ZNF148: variants seen among roughly 807,000 people sequenced by gnomAD.
ZNF148 encodes zinc finger protein 148, also known as Beta-Enolase Repressor Factor-1.
Under a neutral mutation model 67.7 loss-of-function variants are expected in ZNF148, and 7 were observed. That is an observed-to-expected ratio of 0.10 (90% CI 0.06 to 0.19). ZNF148 has a LOEUF of 0.19. Ranked by LOEUF, ZNF148 falls within the 10% of genes least tolerant of loss-of-function variation. The pLI is 1.00. For missense variants in ZNF148, 583 were observed against 947.1 expected (o/e 0.62, Z 5.05); for synonymous variants, 333 against 330.7 (o/e 1.01, Z -0.08).
chr3:125,249,775 CGT>C (rs1354512360), intron 7 of ZNF148, among the ~76,000 whole-genome samples: 1 of 152,060 alleles, frequency 6.6e-6, no homozygotes, highest in African/African-American at 2.4e-5. Context: ...ACAACCCAAG[CGT>C]CTGTCAATGG....
intron 4 of ZNF148, among the ~76,000 whole-genome samples, chr3:125,310,229 G>A (rs1940126435): frequency 6.6e-6 from 1 of 151,912 alleles, no homozygotes; most frequent in Non-Finnish European, 1.5e-5. Context: ...ACAGGTGCAT[G>A]CCACCATGCC....
At chr3:125,353,793 G>A (rs1329726278) in intron 1 of ZNF148, among the ~76,000 whole-genome samples, 1 of 152,022 alleles carries the variant, frequency 6.6e-6, no homozygotes. Context: ...AACATGTGAG[G>A]CCAGGTTCAG....
In ZNF148 at chr3:125,300,443, C is replaced by T. The variant is rs535085226; in HGVS notation, c.334-12215G>A. Among the ~76,000 whole-genome samples, 34 of 152,210 alleles carry T rather than the reference C, an allele frequency of 2.2e-4. 2 individuals carry two copies. In the South Asian group the frequency reaches 3.3e-3, roughly 15 times the overall value. On this transcript the variant is annotated intron_variant, in intron 4 of 8. Transcript: ENST00000360647. ...GTAATTAAGAATTGGGTATAACTAA[C>T]GATAGGATTCAAGGAAATTTAAAAA...
At chr3:125,296,191 G>A (rs1005520314) in intron 4 of ZNF148, among the ~76,000 whole-genome samples, 5 of 149,634 alleles carry the variant, frequency 3.3e-5, no homozygotes, top group Admixed American at 6.7e-5. Flanking sequence ...GTGCAATCTC[G>A]CCTCACTGCA....
At chr3:125,245,609 T>C (rs973703249) in intron 7 of ZNF148, among the ~76,000 whole-genome samples, 3 of 152,170 alleles carry the variant, frequency 2.0e-5, no homozygotes, top group African/African-American at 7.2e-5. Context: ...CTGTACAGCT[T>C]TTTTCTTCTT....
chr3:125,299,480 C>T (rs976089902), intron 4 of ZNF148, among the ~76,000 whole-genome samples: 2 of 152,034 alleles, frequency 1.3e-5, no homozygotes, highest in African/African-American at 4.8e-5. Context: ...GCCTGGGCAA[C>T]CTAGCAAGTT....
chr3:125,260,550 C>G (rs1937289999), intron 7 of ZNF148, among the ~76,000 whole-genome samples: 1 of 152,094 alleles, frequency 6.6e-6, no homozygotes, highest in African/African-American at 2.4e-5. Context: ...ATATGATGTT[C>G]TGGAAGAGGC....
chr3:125,291,068 T>G (rs562435289), intron 4 of ZNF148, among the ~76,000 whole-genome samples: 1 of 152,230 alleles, frequency 6.6e-6, no homozygotes, highest in South Asian at 2.1e-4. Context: ...GAATAAATGT[T>G]TCACTACAGT....
chr3:125,363,282 C>T (rs2107785895), intron 1 of ZNF148, among the ~76,000 whole-genome samples: 1 of 152,318 alleles, frequency 6.6e-6, no homozygotes, highest in East Asian at 1.9e-4. Context: ...AATTTCATAA[C>T]CGTCAGTGCC....
chr3:125,325,979 A>C (rs1940999819), intron 2 of ZNF148, among the ~76,000 whole-genome samples: 1 of 152,252 alleles, frequency 6.6e-6, no homozygotes, highest in African/African-American at 2.4e-5. Context: ...AGTTAGAAAC[A>C]ATAGAGGCAA....
chr3:125,348,061 C>G (rs996093683), intron 1 of ZNF148, among the ~76,000 whole-genome samples: 9 of 151,740 alleles, frequency 5.9e-5, no homozygotes, highest in Admixed American at 5.9e-4. Flanking sequence ...TTGAGACCAG[C>G]CTGGGCAACA....
intron 4 of ZNF148, among the ~76,000 whole-genome samples, chr3:125,303,683 T>G (rs534366588): frequency 6.6e-6 from 1 of 152,090 alleles, no homozygotes; most frequent in Non-Finnish European, 1.5e-5. Context: ...CTCTACATTA[T>G]GGTGAGTTGT....
intron 1 of ZNF148, among the ~76,000 whole-genome samples, chr3:125,374,511 A>G (rs1017881682): frequency 2.0e-5 from 3 of 152,012 alleles, no homozygotes; most frequent in Middle Eastern, 3.4e-3. Flanking sequence ...AACACCCCCC[A>G]GAATCCTCAA....
intron 2 of ZNF148, among the ~76,000 whole-genome samples, chr3:125,328,086 T>C (rs1177602856): frequency 6.6e-6 from 1 of 151,974 alleles, no homozygotes; most frequent in Non-Finnish European, 1.5e-5. Flanking sequence ...AAGATAATTA[T>C]TTATGTATAT....
In ZNF148 at chr3:125,232,134, A is replaced by G. The variant is rs1167568043; in HGVS notation, c.*207T>C. ...CTAAAACAAGTAATGCATTGCTTCT[A>G]TAAAGGTGACAACATGTAAGGCAGT... On this transcript the variant is annotated 3_prime_UTR_variant, in exon 9 of 9. Coordinates refer to ENST00000360647, the MANE Select transcript of ZNF148 (RefSeq NM_021964.3). This position sits in a 1 kb window ranked among gnomAD's most constrained non-coding sequence, Gnocchi z 4.2. The G allele has an allele frequency of 5.7e-6, 3 of 523,486 alleles. No individual in the cohort carries two copies. Among genetic ancestry groups the G allele is most frequent in the African/African-American group, 1.9e-5 (1 of 52,298 alleles). 32.4% of individuals were successfully genotyped at this position (523,486 alleles called of 1,614,324 possible).
chr3:125,273,842 A>C (rs1937898134), intron 7 of ZNF148, among the ~76,000 whole-genome samples: 1 of 152,228 alleles, frequency 6.6e-6, no homozygotes, highest in Non-Finnish European at 1.5e-5. Context: ...TTACTAATTG[A>C]AATAAAAAAT....
chr3:125,259,359 G>A (rs1477147795), intron 7 of ZNF148, among the ~76,000 whole-genome samples: 1 of 152,170 alleles, frequency 6.6e-6, no homozygotes, highest in Non-Finnish European at 1.5e-5. Context: ...GCCAAGTGCT[G>A]TCAAGGACAC....
chr3:125,246,060 T>A (rs1473477884), intron 7 of ZNF148, among the ~76,000 whole-genome samples: 1 of 151,852 alleles, frequency 6.6e-6, no homozygotes, highest in Non-Finnish European at 1.5e-5. Flanking sequence ...CATTTTCTGC[T>A]GATTTTTTTC....
At chr3:125,295,999 C>G (rs1207143792) in intron 4 of ZNF148, among the ~76,000 whole-genome samples, 1 of 151,422 alleles carries the variant, frequency 6.6e-6, no homozygotes, top group Non-Finnish European at 1.5e-5. Flanking sequence ...TAAAATATCT[C>G]TACGTAGACA....
Sources: gnomAD v4.1 joint callset for allele counts (sites outside exome capture counted in the v4.1 genomes callset) on GRCh38, gnomAD v4.1.1 for gene constraint, Gnocchi (gnomAD v3.1) non-coding constraint, MANE v1.5 for transcripts, NCBI Gene and HGNC (gene_info 2026-07-23, HGNC 2026-07-21) for gene names.